DNAJC10: variants seen among roughly 807,000 people sequenced by gnomAD.
DNAJC10 encodes the protein endoplasmic reticulum disulfide reductase DNAJC10.
A neutral mutation model predicts 115.0 loss-of-function variants in DNAJC10; 101 were observed. That is an observed-to-expected ratio of 0.88 (90% CI 0.75 to 1.04). DNAJC10 has a LOEUF of 1.04. DNAJC10 is among the 50% of genes least tolerant of loss of function. The pLI is 0.00. For synonymous variants in DNAJC10, 307 were observed against 301.5 expected (o/e 1.02, Z -0.19); for missense variants, 981 against 928.8 (o/e 1.06, Z -0.73).
chr2:182,733,827 A>AGATAGATAGATAGATAGATT (rs1354983574), intron 10 of DNAJC10, among the ~76,000 whole-genome samples: 6 of 143,914 alleles, frequency 4.2e-5, no homozygotes, highest in Non-Finnish European at 6.2e-5. Flanking sequence ...ATAGATAGAT[A>AGATAGATAGATAGATAGATT]GATTTTCTAC....
intron 12 of DNAJC10, 106 bp downstream of exon 12, chr2:182,740,494 A>T (rs1484419042): frequency 9.1e-7 from 1 of 1,104,048 alleles, no homozygotes; most frequent in Non-Finnish European, 1.2e-6. Context: ...GAGAGAATTG[A>T]AAGTAGCAGT....
At chr2:182,735,851 T>G (rs1186686608) in intron 10 of DNAJC10, among the ~76,000 whole-genome samples, 5 of 152,150 alleles carry the variant, frequency 3.3e-5, no homozygotes, top group African/African-American at 1.2e-4. Flanking sequence ...TCTCATAAAC[T>G]GTATAATTAC....
chr2:182,743,564 T>G, intron 13 of DNAJC10, 34 bp from the exon 14 acceptor site: 1 of 1,428,678 alleles, frequency 7.0e-7, no homozygotes, highest in Non-Finnish European at 9.9e-7. Flanking sequence ...GGTAAGACAG[T>G]GTTTTTATCA....
At chr2:182,770,926 A>G (rs1285933419) in intron 22 of DNAJC10, among the ~76,000 whole-genome samples, 1 of 152,170 alleles carries the variant, frequency 6.6e-6, no homozygotes, top group African/African-American at 2.4e-5. Context: ...CCCATTCAGT[A>G]TAATATTGGC....
intron 6 of DNAJC10, 47 bp downstream of exon 6, chr2:182,728,705 C>G: frequency 6.5e-7 from 1 of 1,533,252 alleles, no homozygotes; most frequent in Non-Finnish European, 8.9e-7. Context: ...TCTAATTGAT[C>G]TGCAATTTAT....
chr2:182,725,474 G>A (rs544237328), intron 5 of DNAJC10, among the ~76,000 whole-genome samples: 74 of 152,248 alleles, frequency 4.9e-4, no homozygotes, highest in African/African-American at 1.6e-3. Flanking sequence ...GAAAGTAAAC[G>A]TGCTACTCCA....
At chr2:182,773,860 C>T (rs963606090) in intron 22 of DNAJC10, among the ~76,000 whole-genome samples, 1 of 152,208 alleles carries the variant, frequency 6.6e-6, no homozygotes, top group Admixed American at 6.5e-5. Context: ...CTCCGTCCAG[C>T]TTTGTTCCAT....
chr2:182,745,202 T>G (rs1265713459), intron 14 of DNAJC10, among the ~76,000 whole-genome samples: 1 of 152,226 alleles, frequency 6.6e-6, no homozygotes. Flanking sequence ...GTCTGGCACA[T>G]AGTAAGAACT....
At position 182,752,172 on chromosome 2, in the gene DNAJC10, A is replaced by AGGGAC; in HGVS notation, c.1536_1540dup (p.Leu514ArgfsTer39). ...GGTACACTAGATTGTACAGTTCATG[A>AGGGAC]GGGACTCTGTAACATGGTAAGGCAA... On this transcript the variant is annotated frameshift_variant, in exon 16 of 24. Transcript: ENST00000264065. LOFTEE classifies it high-confidence loss of function. 6.4e-7 allele frequency: 1 copy of AGGGAC among 1,569,944 alleles called. No homozygotes were observed. The highest frequency in any genetic ancestry group is 8.7e-7 in the Non-Finnish European group (1 of 1,151,406).
chr2:182,758,858 G>A lies in DNAJC10; in HGVS notation c.1965G>A (p.Arg655=). The part of the protein sequence containing the change: ...YHYHSYNGWN[R]DAYSLRIWGL... The stretch of plus-strand genomic sequence containing the variant: ...TCAGCAGTTACAATGGTTGGAATAG[G>A]GATGCTTATTCCCTGAGAATCTGGG... Residue 655 remains arginine (R), a synonymous_variant, in exon 20 of 24, where the codon AGG becomes AGA. Transcript: ENST00000264065. The A allele has an allele frequency of 1.2e-6, 2 of 1,607,654 alleles. No homozygotes were observed. Among genetic ancestry groups the A allele is most frequent in the South Asian group, 1.1e-5 (1 of 90,828 alleles).
In DNAJC10 at chr2:182,722,078, A is replaced by G. The variant is rs780262615; in HGVS notation, c.418+3A>G. 1.3e-6 allele frequency: 2 copies of G among 1,564,562 alleles called. No individual in the cohort carries two copies. Among genetic ancestry groups the G allele is most frequent in the Non-Finnish European group, 1.7e-6 (2 of 1,149,740 alleles). On this transcript the variant is annotated splice_donor_region_variant and intron_variant, in intron 5 of 23. Coordinates refer to ENST00000264065, the MANE Select transcript of DNAJC10 (RefSeq NM_018981.4). ...AACATTGGAAAGAAGAGAATTTGGT[A>G]AGTTTGTGGGCTTAAGGTTTTATAA...
At chr2:182,761,715 C>T (rs1216709765) in intron 21 of DNAJC10, among the ~76,000 whole-genome samples, 1 of 151,986 alleles carries the variant, frequency 6.6e-6, no homozygotes, top group African/African-American at 2.4e-5. Flanking sequence ...GATGCTTATG[C>T]GGCATTCACC....
At chr2:182,728,255 G>A (rs1237253137) in intron 5 of DNAJC10, among the ~76,000 whole-genome samples, 4 of 152,038 alleles carry the variant, frequency 2.6e-5, no homozygotes, top group Admixed American at 6.6e-5. Context: ...TTCTTGTGCC[G>A]TCACTTTTTA....
At position 182,791,341 on chromosome 2, in the gene DNAJC10, T is replaced by C. The variant is rs1695045650; in HGVS notation, c.*14209T>C. The C allele has an allele frequency of 1.3e-5, 2 of 152,200 alleles. No individual in the cohort carries two copies. The highest frequency in any genetic ancestry group is 2.9e-5 in the Non-Finnish European group (2 of 68,026). 9.4% of individuals were successfully genotyped at this position (152,200 alleles called of 1,614,324 possible). A position where few individuals can be genotyped will look rare whatever the true frequency, so the allele number is the denominator to read the frequency against. On this transcript the variant is annotated 3_prime_UTR_variant, in exon 24 of 24. Coordinates refer to ENST00000264065, the MANE Select transcript of DNAJC10 (RefSeq NM_018981.4). ...AGTTAAAAATTAAGAGAGATATGTA[T>C]TCAGGTGGCCATTTATACACAATAT... is the stretch of plus-strand genomic sequence containing the variant.
chr2:182,757,995 A>C (rs545904120), intron 19 of DNAJC10, among the ~76,000 whole-genome samples, 170 bp downstream of exon 19: 2 of 152,312 alleles, frequency 1.3e-5, no homozygotes, highest in South Asian at 4.1e-4. Flanking sequence ...GGGAGTATTG[A>C]ACAGTCTCAC....
intron 8 of DNAJC10, 72 bp from the exon 9 acceptor site, chr2:182,730,958 C>A: frequency 9.8e-7 from 1 of 1,022,214 alleles, no homozygotes; most frequent in Non-Finnish European, 1.5e-6. Flanking sequence ...GGAAAAATTA[C>A]TTAGAAGACT....
intron 10 of DNAJC10, among the ~76,000 whole-genome samples, chr2:182,733,068 T>A (rs1693492322): frequency 6.6e-6 from 1 of 152,036 alleles, no homozygotes; most frequent in Non-Finnish European, 1.5e-5. Flanking sequence ...TAGTATTACA[T>A]TTATTAGATC....
chr2:182,720,051 A>C lies in DNAJC10; in HGVS notation c.249A>C (p.Ala83=), dbSNP rs756788319. 6.3e-7 allele frequency: 1 copy of C among 1,595,702 alleles called. No individual in the cohort carries two copies. The highest frequency in any genetic ancestry group is 8.6e-7 in the Non-Finnish European group (1 of 1,163,844). ...GCGATTTTTTAAAAATAAATAGAGCATATGAAGTACTCAAAGATGAAGATC... is the reference window on the plus strand; with the variant it reads ...GCGATTTTTTAAAAATAAATAGAGCCTATGAAGTACTCAAAGATGAAGATC... ...AHGDFLKINR[A]YEVLKDEDLR... Residue 83 remains alanine (A), a synonymous_variant, in exon 4 of 24, where the codon GCA becomes GCC. Transcript: ENST00000264065.
chr2:182,772,582 T>C (rs887512103), intron 22 of DNAJC10, among the ~76,000 whole-genome samples: 13 of 152,236 alleles, frequency 8.5e-5, no homozygotes, highest in East Asian at 7.7e-4. Flanking sequence ...GCCTTCTTTG[T>C]CTCTTTGATC....
Sources: gnomAD v4.1 joint callset for allele counts (sites outside exome capture counted in the v4.1 genomes callset) on GRCh38, gnomAD v4.1.1 for gene constraint, MANE v1.5 for transcripts, NCBI Gene and HGNC (gene_info 2026-07-23, HGNC 2026-07-21) for gene names.